ADIPOR2: variants seen among roughly 807,000 people sequenced by gnomAD.
ADIPOR2 encodes adiponectin receptor 2, also known as adiponectin receptor protein 2.
ADIPOR2 carries 18 observed loss-of-function variants against 40.9 expected under a neutral mutation model. The observed-to-expected ratio is 0.44, with a 90% CI of 0.30 to 0.65. ADIPOR2 has a LOEUF of 0.65. Ranked by LOEUF, ADIPOR2 falls within the 30% of genes least tolerant of loss-of-function variation. ADIPOR2 has a pLI of 0.09. For synonymous variants in ADIPOR2, 165 were observed against 166.4 expected (o/e 0.99, Z 0.06); for missense variants, 283 against 479.2 (o/e 0.59, Z 3.82).
At chr12:1,748,438 T>C (rs568335439) in intron 1 of ADIPOR2, among the ~76,000 whole-genome samples, 139 of 152,074 alleles carry the variant, frequency 9.1e-4, no homozygotes, top group African/African-American at 2.5e-3. Flanking sequence ...TTATTAGAGA[T>C]GGGGTTTCAC....
intron 1 of ADIPOR2, among the ~76,000 whole-genome samples, chr12:1,752,100 A>G (rs1437712292): frequency 2.0e-5 from 3 of 149,790 alleles, no homozygotes; most frequent in Admixed American, 2.0e-4. Flanking sequence ...GTAGAGACTA[A>G]TTTTTTGTAT....
At chr12:1,763,746 A>T (rs1209931407) in intron 2 of ADIPOR2, among the ~76,000 whole-genome samples, 1 of 152,178 alleles carries the variant, frequency 6.6e-6, no homozygotes, top group Non-Finnish European at 1.5e-5. Flanking sequence ...TGAGAGGCTG[A>T]GGCGGGCAGA....
chr12:1,716,329 G>C (rs941925305), intron 1 of ADIPOR2, among the ~76,000 whole-genome samples: 1 of 152,178 alleles, frequency 6.6e-6, no homozygotes, highest in Non-Finnish European at 1.5e-5. Context: ...TTTTGGATTT[G>C]TGATAAAGAC....
intron 1 of ADIPOR2, among the ~76,000 whole-genome samples, chr12:1,707,846 T>G (rs2094666647): frequency 6.6e-6 from 1 of 152,196 alleles, no homozygotes; most frequent in Non-Finnish European, 1.5e-5. Flanking sequence ...GTATATCCTT[T>G]TATTAGATGA....
At chr12:1,713,406 C>T (rs1438033440) in intron 1 of ADIPOR2, among the ~76,000 whole-genome samples, 1 of 152,024 alleles carries the variant, frequency 6.6e-6, no homozygotes, top group Non-Finnish European at 1.5e-5. Context: ...TCTTACTAGG[C>T]CTTGAGCTTT....
rs568894000 is a variant in ADIPOR2 at position 1,710,999 on chromosome 12, A to G, written c.-87+19808A>G. Among the ~76,000 whole-genome samples, 38 of 152,258 alleles carry G rather than the reference A, an allele frequency of 2.5e-4. 1 individual carries two copies. Among genetic ancestry groups the G allele is most frequent in the African/African-American group, 8.4e-4 (35 of 41,516 alleles). ...ATGTTGCCCAGCTCCAGAGGTTGGT[A>G]TAAGAGTTTGAAAGGCGTTGTCTGA... On this transcript the variant is annotated intron_variant, in intron 1 of 7. Transcript: ENST00000357103.
intron 1 of ADIPOR2, among the ~76,000 whole-genome samples, chr12:1,694,541 A>G (rs538169380): frequency 1.3e-5 from 2 of 152,330 alleles, no homozygotes; most frequent in East Asian, 3.9e-4. Flanking sequence ...AATAAAGACA[A>G]GAAAAAAAAG....
intron 1 of ADIPOR2, chr12:1,730,915 G>A (rs953409112): frequency 2.0e-5 from 3 of 152,126 alleles, no homozygotes; most frequent in Admixed American, 6.5e-5. Context: ...TATATGTAAT[G>A]CAGGTTGATT....
At chr12:1,724,462 A>G (rs534196263) in intron 1 of ADIPOR2, among the ~76,000 whole-genome samples, 1 of 152,320 alleles carries the variant, frequency 6.6e-6, no homozygotes, top group East Asian at 1.9e-4. Context: ...AGAGACAGAA[A>G]GAATGGTAAT....
intron 1 of ADIPOR2, among the ~76,000 whole-genome samples, chr12:1,747,251 A>G (rs1171136938): frequency 6.6e-6 from 1 of 152,206 alleles, no homozygotes; most frequent in African/African-American, 2.4e-5. Flanking sequence ...GATTGAAATT[A>G]CACAAAGTGC....
chr12:1,754,185 A>G, intron 1 of ADIPOR2, 73 bp from the exon 2 acceptor site: 1 of 557,798 alleles, frequency 1.8e-6, no homozygotes, highest in Non-Finnish European at 2.9e-6. Context: ...TGTCGTTTGG[A>G]TATGTGATAA....
intron 1 of ADIPOR2, among the ~76,000 whole-genome samples, chr12:1,716,111 G>A (rs901653117): frequency 2.0e-5 from 3 of 152,284 alleles, no homozygotes; most frequent in South Asian, 2.1e-4. Context: ...TGAAGTCAGC[G>A]AGTCCATGAA....
At chr12:1,757,977 GCC>G in intron 2 of ADIPOR2, 1 of 1,056,338 alleles carries the variant, frequency 9.5e-7, no homozygotes, top group Non-Finnish European at 1.5e-6. Context: ...TGGAGCTGCT[GCC>G]CACTTCAGAT....
chr12:1,730,833 G>T (rs1429833384), intron 1 of ADIPOR2: 1 of 152,060 alleles, frequency 6.6e-6, no homozygotes, highest in East Asian at 1.9e-4. Context: ...TTTCTCCTTA[G>T]TTAAAAGTTT....
chr12:1,694,189 A>G (rs1387646425), intron 1 of ADIPOR2, among the ~76,000 whole-genome samples: 1 of 152,254 alleles, frequency 6.6e-6, no homozygotes, highest in Non-Finnish European at 1.5e-5. Flanking sequence ...TTTATCAGCT[A>G]GCAAATGGTG....
intron 2 of ADIPOR2, among the ~76,000 whole-genome samples, chr12:1,767,269 C>CA (rs61401998): frequency 0.073 from 6,391 of 87,238 alleles, 319 homozygotes; most frequent in Non-Finnish European, 0.091. Flanking sequence ...AAGACTTCGT[C>CA]AAAAAAAAAA....
intron 2 of ADIPOR2, among the ~76,000 whole-genome samples, chr12:1,764,095 A>G (rs945585103): frequency 6.6e-6 from 1 of 152,188 alleles, no homozygotes; most frequent in Non-Finnish European, 1.5e-5. Context: ...TGCCAGCCAG[A>G]TGTGTGACTT....
At chr12:1,727,865 A>G (rs2094711168) in intron 1 of ADIPOR2, among the ~76,000 whole-genome samples, 1 of 151,962 alleles carries the variant, frequency 6.6e-6, no homozygotes, top group African/African-American at 2.4e-5. Flanking sequence ...GTTTAAAAAA[A>G]AAAAAAAAGG....
chr12:1,766,210 A>G (rs897139570), intron 2 of ADIPOR2, among the ~76,000 whole-genome samples: 3 of 152,172 alleles, frequency 2.0e-5, no homozygotes, highest in Admixed American at 2.0e-4. Flanking sequence ...AGGACATTTT[A>G]GACAAAGGGA....
Sources: gnomAD v4.1 joint callset for allele counts (sites outside exome capture counted in the v4.1 genomes callset) on GRCh38, gnomAD v4.1.1 for gene constraint, MANE v1.5 for transcripts, NCBI Gene and HGNC (gene_info 2026-07-23, HGNC 2026-07-21) for gene names.